The following TULP4 variants were observed in gnomAD, a reference collection of about 807,000 sequenced individuals.
TULP4 encodes TUB like protein 4, also known as tubby-related protein 4.
Under a neutral mutation model 129.0 loss-of-function variants are expected in TULP4, and 16 were observed. The observed-to-expected ratio is 0.12, with a 90% CI of 0.08 to 0.19. The LOEUF (loss-of-function observed/expected upper bound fraction) is 0.19, where lower values mean the gene tolerates loss of function less well. TULP4 is among the 10% of genes least tolerant of loss of function. TULP4 has a pLI of 1.00. For missense variants in TULP4, 1,842 were observed against 2,059.1 expected, an observed-to-expected ratio of 0.89 and a Z score of 2.04; for synonymous variants, 998 against 854.0, an observed-to-expected ratio of 1.17 and a Z score of -2.94.
chr6:158,308,935 T>C, upstream of TULP4, among the ~76,000 whole-genome samples: 1 of 131,462 alleles, frequency 7.6e-6, no homozygotes, highest in Non-Finnish European at 1.6e-5. Context: ...GGCGGGGGGC[T>C]GACCCACCCA....
chr6:158,296,399 A>G (rs1583713707), intron 1 of TULP4, among the ~76,000 whole-genome samples: 1 of 152,326 alleles, frequency 6.6e-6, no homozygotes, highest in Non-Finnish European at 1.5e-5. Context: ...CGGAGGTGAC[A>G]TCACATATTG....
chr6:158,252,813 A>T (rs199995189), intron 1 of TULP4, among the ~76,000 whole-genome samples: 2 of 152,198 alleles, frequency 1.3e-5, no homozygotes, highest in East Asian at 3.8e-4. Context: ...CTCCGTAGGC[A>T]GAGCAGCCCG....
At position 158,481,079 on chromosome 6, in the gene TULP4, A is replaced by G. The variant is rs1236055778; in HGVS notation, c.1276A>G (p.Met426Val). The change falls in exon 8 of 14, where the codon ATG (methionine) becomes GTG (valine). Residue 426 changes from methionine (M) to valine (V), a missense_variant. This residue lies in a region of TULP4 where 456 missense variants were observed against 534.3 expected (regional missense o/e 0.85). Coordinates refer to ENST00000367097, the MANE Select transcript of TULP4 (RefSeq NM_020245.5). ...GCCCCCAATTCCAGATCCGAACAAC[A>G]TGAGAGACTTTGTCAGCTACCCATC... ...IKPPIPDPNN[M>V]RDFVSYPSAG... The G allele has an allele frequency of 9.4e-6, 15 of 1,588,430 alleles. No homozygotes were observed. Among genetic ancestry groups the G allele is most frequent in the Middle Eastern group, 1.7e-4 (1 of 5,968 alleles).
chr6:158,500,686 G>A (rs1350629222), intron 12 of TULP4, among the ~76,000 whole-genome samples: 1 of 152,212 alleles, frequency 6.6e-6, no homozygotes, highest in African/African-American at 2.4e-5. Flanking sequence ...CGCACGCTCT[G>A]TTAAACTCTC....
chr6:158,509,921 A>T lies in TULP4; in HGVS notation c.*3227A>T, dbSNP rs1263857466. On this transcript the variant is annotated 3_prime_UTR_variant, in exon 14 of 14. Coordinates refer to ENST00000367097, the MANE Select transcript of TULP4 (RefSeq NM_020245.5). Reference sequence around the variant, plus strand: ...TAAATACGACGAAAATTCATACTTTATGCAGGAGATTTCTAAAAATTTAAT... The same window carrying T: ...TAAATACGACGAAAATTCATACTTTTTGCAGGAGATTTCTAAAAATTTAAT... 6.6e-6 allele frequency: 1 copy of T among 152,244 alleles called. No individual in the cohort carries two copies. Among genetic ancestry groups the T allele is most frequent in the African/African-American group, 2.4e-5 (1 of 41,470 alleles). The allele number at this position is 152,244 out of a possible 1,614,324, so 9.4% of individuals were successfully genotyped here.
chr6:158,364,416 T>A (rs1192206231), intron 1 of TULP4, among the ~76,000 whole-genome samples: 1 of 152,202 alleles, frequency 6.6e-6, no homozygotes, highest in Non-Finnish European at 1.5e-5. Context: ...TTTTTATTAT[T>A]TTTATTGAAG....
chr6:158,462,002 GA>G (rs1341053563), intron 6 of TULP4, among the ~76,000 whole-genome samples: 1 of 152,134 alleles, frequency 6.6e-6, no homozygotes, highest in Non-Finnish European at 1.5e-5. Flanking sequence ...AGTGAATGCT[GA>G]ATCTTCACTT....
At chr6:158,462,335 A>G (rs634646) in intron 6 of TULP4, among the ~76,000 whole-genome samples, 62,431 of 149,736 alleles carry the variant, frequency 0.42, 14,310 homozygotes, top group African/African-American at 0.62. Context: ...TTCTTGGTGC[A>G]GAGAGAGAGA....
At chr6:158,370,476 A>T (rs1341893348) in intron 1 of TULP4, among the ~76,000 whole-genome samples, 1 of 148,924 alleles carries the variant, frequency 6.7e-6, no homozygotes, top group Non-Finnish European at 1.5e-5. Flanking sequence ...AAAAAAAAAA[A>T]AAAAAAAGAT....
chr6:158,309,327 A>G (rs1203426501), upstream of TULP4, among the ~76,000 whole-genome samples: 2 of 137,534 alleles, frequency 1.5e-5, no homozygotes, highest in Non-Finnish European at 3.1e-5. Flanking sequence ...CACATCTCAG[A>G]CCATGGGCAG....
chr6:158,437,354 G>A (rs1778774479), intron 3 of TULP4, among the ~76,000 whole-genome samples: 1 of 152,198 alleles, frequency 6.6e-6, no homozygotes, highest in Non-Finnish European at 1.5e-5. Flanking sequence ...TTGAGGCCAA[G>A]AGTTCAAGAC....
chr6:158,395,577 G>C (rs1297513932), intron 1 of TULP4, among the ~76,000 whole-genome samples: 4 of 137,738 alleles, frequency 2.9e-5, no homozygotes, highest in African/African-American at 8.2e-5. Context: ...GCAAAACTCT[G>C]TCTAAAAAAA....
intron 3 of TULP4, among the ~76,000 whole-genome samples, chr6:158,435,106 C>T (rs1354801436): frequency 6.6e-6 from 1 of 152,212 alleles, no homozygotes; most frequent in Non-Finnish European, 1.5e-5. Flanking sequence ...CAGTGAGGCA[C>T]ATACATAATA....
At chr6:158,463,009 C>T (rs1275973849) in intron 6 of TULP4, among the ~76,000 whole-genome samples, 1 of 152,162 alleles carries the variant, frequency 6.6e-6, no homozygotes, top group Non-Finnish European at 1.5e-5. Context: ...CTGCCTCAGC[C>T]TCCCAAAGTG....
chr6:158,366,924 G>A (rs546613044), intron 1 of TULP4, among the ~76,000 whole-genome samples: 11 of 152,236 alleles, frequency 7.2e-5, no homozygotes, highest in East Asian at 5.8e-4. Flanking sequence ...GTCCTTATGC[G>A]TCTGGGCCAA....
At chr6:158,325,898 CT>C (rs1366599934) in intron 1 of TULP4, among the ~76,000 whole-genome samples, 23 of 151,388 alleles carry the variant, frequency 1.5e-4, no homozygotes, top group African/African-American at 4.9e-4. Context: ...GTCTCCCCCC[CT>C]CCCCCCACCT....
At chr6:158,232,284 G>C (rs973589508) in exon 1 of TULP4, 4 of 148,236 alleles carry the variant, frequency 2.7e-5, no homozygotes, top group Non-Finnish European at 6.0e-5. Flanking sequence ...CGCTGGGGCT[G>C]CCGCCACGGC....
intron 1 of TULP4, among the ~76,000 whole-genome samples, chr6:158,233,113 G>A (rs1000832773): frequency 6.6e-6 from 1 of 152,224 alleles, no homozygotes; most frequent in Non-Finnish European, 1.5e-5. Flanking sequence ...GGTGAGGGTG[G>A]TCTGGCTTTG....
intron 1 of TULP4, among the ~76,000 whole-genome samples, chr6:158,411,125 T>TGAA (rs1373388212): frequency 1.3e-5 from 1 of 78,254 alleles, no homozygotes; most frequent in African/African-American, 5.8e-5. Context: ...TAGGTAAAAG[T>TGAA]GAAAAAAAAA....
Sources: gnomAD v4.1 joint callset for allele counts (sites outside exome capture counted in the v4.1 genomes callset) on GRCh38, gnomAD v4.1.1 for gene constraint, gnomAD v4.1.1 regional missense constraint, MANE v1.5 for transcripts, NCBI Gene and HGNC (gene_info 2026-07-23, HGNC 2026-07-21) for gene names.